Variants in PLCB1 observed in about 807,000 individuals in gnomAD.
PLCB1 encodes the protein phospholipase C beta 1, also known as 1-phosphatidylinositol 4,5-bisphosphate phosphodiesterase beta-1.
In PLCB1, 46 loss-of-function variants were observed where a neutral mutation model predicts 161.8. That is an observed-to-expected ratio of 0.28 (90% confidence interval 0.22 to 0.36). The LOEUF is 0.36. Among genes scored for constraint, PLCB1 ranks in the 10% least tolerant of loss-of-function variants. The pLI is 1.00. For synonymous variants in PLCB1, 517 were observed against 503.7 expected (o/e 1.03, Z -0.35); for missense variants, 1,016 against 1,472.5 (o/e 0.69, Z 5.07).
At chr20:8,156,039 A>G (rs62198530) in intron 2 of PLCB1, among the ~76,000 whole-genome samples, 66,868 of 151,938 alleles carry the variant, frequency 0.44, 14,812 homozygotes, top group Middle Eastern at 0.53. Context: ...TTAATAGCTA[A>G]AACAGACACA....
chr20:8,207,402 C>T (rs1978590503), intron 2 of PLCB1, among the ~76,000 whole-genome samples: 1 of 152,126 alleles, frequency 6.6e-6, no homozygotes, highest in African/African-American at 2.4e-5. Context: ...ATCTTACACC[C>T]TTAAAGAAGC....
intron 9 of PLCB1, among the ~76,000 whole-genome samples, chr20:8,677,795 G>A (rs1990122428): frequency 6.6e-6 from 1 of 152,164 alleles, no homozygotes. Flanking sequence ...AATCAAGTGT[G>A]CAGGTGTAAA....
intron 21 of PLCB1, among the ~76,000 whole-genome samples, chr20:8,739,955 A>G (rs1209662215): frequency 6.6e-6 from 1 of 152,236 alleles, no homozygotes; most frequent in Non-Finnish European, 1.5e-5. Context: ...TCTTGAGGCC[A>G]GAAGTTTGAA....
intron 3 of PLCB1, among the ~76,000 whole-genome samples, chr20:8,395,721 T>C (rs1461691618): frequency 6.6e-6 from 1 of 152,010 alleles, no homozygotes; most frequent in South Asian, 2.1e-4. Context: ...TTTCATGGTT[T>C]GAGTTGAGAA....
At chr20:8,513,485 T>C (rs573151542) in intron 3 of PLCB1, among the ~76,000 whole-genome samples, 1 of 152,306 alleles carries the variant, frequency 6.6e-6, no homozygotes, top group African/African-American at 2.4e-5. Context: ...TTATATTCAA[T>C]TAAATGCACG....
At chr20:8,774,217 C>T (rs2146203361) in intron 26 of PLCB1, among the ~76,000 whole-genome samples, 1 of 152,024 alleles carries the variant, frequency 6.6e-6, no homozygotes, top group Middle Eastern at 3.4e-3. Context: ...AGATTAAAAC[C>T]TGAAAATTTT....
At position 8,375,901 on chromosome 20, in the gene PLCB1, C is replaced by G. The variant is rs538310581; in HGVS notation, c.246+4451C>G. Among the ~76,000 whole-genome samples, 9 of 147,214 alleles carry G rather than the reference C, an allele frequency of 6.1e-5. No individual in the cohort carries two copies. The East Asian group carries it at 1.8e-3, about 29-fold the overall frequency. ...ACTGATGTTGAATAAGTTTACATAA[C>G]CTGAAACTTCTTACCTCCTTCATCA... On this transcript the variant is annotated intron_variant, in intron 3 of 31. Coordinates refer to ENST00000338037, the MANE Select transcript of PLCB1 (RefSeq NM_015192.4).
intron 5 of PLCB1, 108 bp downstream of exon 5, chr20:8,646,289 A>C: frequency 1.3e-6 from 1 of 750,308 alleles, no homozygotes; most frequent in South Asian, 1.6e-5. Context: ...ACATTGATAA[A>C]CACAAATTTT....
At chr20:8,566,123 T>C (rs1986326044) in intron 3 of PLCB1, among the ~76,000 whole-genome samples, 1 of 152,160 alleles carries the variant, frequency 6.6e-6, no homozygotes, top group African/African-American at 2.4e-5. Context: ...TTTTAAAAAT[T>C]AGTTCTAAGA....
rs80147531 is a variant in PLCB1, at chr20:8,470,399, G to A, written c.246+98949G>A. Reference sequence around the variant, plus strand: ...CACTAGCAGTGTATGATGATTCCACGTTCTCCACATTCTCACCAGCTCTTG... The same window carrying A: ...CACTAGCAGTGTATGATGATTCCACATTCTCCACATTCTCACCAGCTCTTG... On this transcript the variant is annotated intron_variant, in intron 3 of 31. Transcript: ENST00000338037. Among the ~76,000 whole-genome samples, 1,257 of 152,230 alleles carry A rather than the reference G, an allele frequency of 8.3e-3. 20 individuals carry two copies. The highest frequency in any genetic ancestry group is 0.029 in the African/African-American group (1,204 of 41,536).
At chr20:8,137,625 G>A (rs1014686821) in intron 1 of PLCB1, among the ~76,000 whole-genome samples, 9 of 152,080 alleles carry the variant, frequency 5.9e-5, no homozygotes, top group South Asian at 2.1e-4. Flanking sequence ...TGTAACATGC[G>A]TACAACAAAA....
chr20:8,643,867 G>A (rs201211614), intron 4 of PLCB1, among the ~76,000 whole-genome samples: 5,061 of 101,500 alleles, frequency 0.05, no homozygotes, highest in African/African-American at 0.067. Context: ...CTGTACTGCC[G>A]CCATCTCGGC....
In PLCB1 at chr20:8,273,969, G is replaced by A. The variant is rs551155836; in HGVS notation, c.178-97413G>A. Among the ~76,000 whole-genome samples the A allele has an allele frequency of 4.6e-4, 70 of 152,218 alleles. 2 individuals carry two copies. The highest frequency in any genetic ancestry group is 3.4e-3 in the Middle Eastern group (1 of 294). ...AGAAGATGCAAATGTATCTCCATAT[G>A]TTAATACTATTGAAAGTAATAGGAA... On this transcript the variant is annotated intron_variant, in intron 2 of 31. Transcript: ENST00000338037.
chr20:8,429,568 G>A (rs1443812574), intron 3 of PLCB1, among the ~76,000 whole-genome samples: 1 of 152,052 alleles, frequency 6.6e-6, no homozygotes, highest in East Asian at 1.9e-4. Flanking sequence ...AAGGGTGAAT[G>A]ATGGTTTGTA....
intron 2 of PLCB1, among the ~76,000 whole-genome samples, chr20:8,222,572 T>G (rs1013351644): frequency 6.6e-6 from 1 of 152,150 alleles, no homozygotes; most frequent in East Asian, 1.9e-4. Context: ...GTATTTATTC[T>G]ACTTGGTTTT....
intron 3 of PLCB1, among the ~76,000 whole-genome samples, chr20:8,433,979 C>T (rs1980184104): frequency 1.3e-5 from 2 of 151,754 alleles, no homozygotes; most frequent in African/African-American, 4.8e-5. Context: ...GTTTTTTGCC[C>T]TTATTACCAG....
chr20:8,519,652 A>G (rs1984274882), intron 3 of PLCB1, among the ~76,000 whole-genome samples: 1 of 152,172 alleles, frequency 6.6e-6, no homozygotes, highest in South Asian at 2.1e-4. Flanking sequence ...TTCAGGGCCA[A>G]ATACAGAACT....
At chr20:8,401,416 T>C (rs1321087550) in intron 3 of PLCB1, among the ~76,000 whole-genome samples, 1 of 152,206 alleles carries the variant, frequency 6.6e-6, no homozygotes, top group Admixed American at 6.5e-5. Flanking sequence ...TCTAAAATAA[T>C]AAAGATTATT....
chr20:8,464,887 A>G (rs1421826312), intron 3 of PLCB1, among the ~76,000 whole-genome samples: 2 of 152,162 alleles, frequency 1.3e-5, no homozygotes, highest in Non-Finnish European at 2.9e-5. Context: ...TGGGGTTGGA[A>G]CTTGACCCCA....
Sources: gnomAD v4.1 joint callset for allele counts (sites outside exome capture counted in the v4.1 genomes callset) on GRCh38, gnomAD v4.1.1 for gene constraint, MANE v1.5 for transcripts, NCBI Gene and HGNC (gene_info 2026-07-23, HGNC 2026-07-21) for gene names.